CDH12: variants seen among roughly 807,000 people sequenced by gnomAD.
The protein encoded by CDH12 is cadherin-12.
A neutral mutation model predicts 74.1 loss-of-function variants in CDH12; 41 were observed. The ratio of observed to expected loss-of-function variants is 0.55; its 90% confidence interval spans 0.43 to 0.72. CDH12 has a LOEUF of 0.72. CDH12 is among the 30% of genes least tolerant of loss of function. The pLI, the probability that CDH12 is intolerant of heterozygous loss-of-function variation, is 0.00. For missense variants in CDH12, 945 were observed against 977.2 expected (o/e 0.97, Z 0.44); for synonymous variants, 399 against 355.0 (o/e 1.12, Z -1.39).
At chr5:22,181,874 A>G (rs1167926061) in intron 4 of CDH12, among the ~76,000 whole-genome samples, 1 of 152,134 alleles carries the variant, frequency 6.6e-6, no homozygotes, top group Non-Finnish European at 1.5e-5. Context: ...TTAATCACAT[A>G]TTAAGAAACT....
chr5:22,168,012 G>A (rs1354568442), intron 4 of CDH12, among the ~76,000 whole-genome samples: 1 of 152,066 alleles, frequency 6.6e-6, no homozygotes, highest in Non-Finnish European at 1.5e-5. Flanking sequence ...GCCACATATA[G>A]CAACCGAAGG....
Position 21,873,539 on chromosome 5 carries a change from T to A in CDH12, c.527-18749A>T, listed in dbSNP as rs184605591. On this transcript the variant is annotated intron_variant, in intron 6 of 14. Transcript: ENST00000382254. ...TGTCACAGGGGAGAAAAATAAAGAG[T>A]CTCAACTAAACCTGCCAGAAGTTCA... Among the ~76,000 whole-genome samples, 338 of 152,120 alleles carry A rather than the reference T, an allele frequency of 2.2e-3. 8 individuals carry two copies. Among genetic ancestry groups the A allele is most frequent in the Non-Finnish European group, 3.5e-4 (24 of 67,994 alleles).
At chr5:22,552,391 G>C (rs1385180890) in intron 1 of CDH12, among the ~76,000 whole-genome samples, 1 of 150,900 alleles carries the variant, frequency 6.6e-6, no homozygotes, top group African/African-American at 2.4e-5. Flanking sequence ...TTCTCCTTCA[G>C]GAGAAAAATG....
chr5:22,503,503 C>A (rs1340660968), intron 2 of CDH12, among the ~76,000 whole-genome samples: 1 of 151,956 alleles, frequency 6.6e-6, no homozygotes, highest in East Asian at 1.9e-4. Flanking sequence ...AGATTATTCT[C>A]AGCTGTATTT....
At chr5:22,359,157 T>A (rs6895096) in intron 3 of CDH12, among the ~76,000 whole-genome samples, 1 of 151,772 alleles carries the variant, frequency 6.6e-6, no homozygotes, top group African/African-American at 2.4e-5. Flanking sequence ...GAGTCAAGAC[T>A]CATCATAGTG....
intron 9 of CDH12, among the ~76,000 whole-genome samples, chr5:21,816,649 A>AAAAAAAAAAAAC (rs1561209107): frequency 6.9e-6 from 1 of 145,178 alleles, no homozygotes; most frequent in African/African-American, 2.5e-5. Context: ...AAAAAAAAAA[A>AAAAAAAAAAAAC]AAAAGAATAG....
intron 1 of CDH12, among the ~76,000 whole-genome samples, chr5:22,697,411 A>C (rs1234810098): frequency 3.3e-5 from 5 of 152,106 alleles, no homozygotes; most frequent in Admixed American, 1.3e-4. Context: ...CTCTACTAAA[A>C]AATAGAAAAA....
chr5:22,611,658 C>G (rs1287599542), intron 1 of CDH12, among the ~76,000 whole-genome samples: 1 of 152,096 alleles, frequency 6.6e-6, no homozygotes, highest in Non-Finnish European at 1.5e-5. Context: ...TCAAGAGATA[C>G]AGTCTTTGGA....
intron 3 of CDH12, among the ~76,000 whole-genome samples, chr5:22,357,876 G>A (rs112897689): frequency 0.011 from 1,691 of 152,140 alleles, 24 homozygotes; most frequent in African/African-American, 0.039. Context: ...CCTGATAAAA[G>A]TTCTTATTTA....
intron 4 of CDH12, among the ~76,000 whole-genome samples, chr5:22,203,302 G>A (rs1233552565): frequency 6.6e-6 from 1 of 152,018 alleles, no homozygotes; most frequent in Admixed American, 6.6e-5. Flanking sequence ...ACTTCTATGG[G>A]ATCATCTTTT....
chr5:22,061,198 C>T (rs1741164771), intron 5 of CDH12, among the ~76,000 whole-genome samples: 1 of 152,124 alleles, frequency 6.6e-6, no homozygotes, highest in Admixed American at 6.6e-5. Flanking sequence ...TATGAAATTT[C>T]TGTGGGAAAT....
chr5:22,791,001 C>T (rs181220468), intron 1 of CDH12, among the ~76,000 whole-genome samples: 17 of 152,258 alleles, frequency 1.1e-4, no homozygotes, highest in African/African-American at 3.9e-4. Context: ...CTTATATGAC[C>T]TTGTGGAGGC....
intron 1 of CDH12, among the ~76,000 whole-genome samples, chr5:22,585,448 C>T (rs185282289): frequency 1.8e-4 from 28 of 152,248 alleles, no homozygotes; most frequent in African/African-American, 6.5e-4. Context: ...TTAAACACTT[C>T]AGGACAATTT....
chr5:21,964,924 T>C (rs2150113115), intron 6 of CDH12, among the ~76,000 whole-genome samples: 1 of 152,072 alleles, frequency 6.6e-6, no homozygotes, highest in East Asian at 1.9e-4. Context: ...AAAATTTACA[T>C]GACCTGGTAA....
intron 1 of CDH12, among the ~76,000 whole-genome samples, chr5:22,517,864 C>A (rs1736872191): frequency 6.6e-6 from 1 of 152,188 alleles, no homozygotes; most frequent in African/African-American, 2.4e-5. Flanking sequence ...TTCCAACAAT[C>A]AAGCATCTGG....
intron 2 of CDH12, among the ~76,000 whole-genome samples, chr5:22,441,085 A>T (rs1744605430): frequency 2.6e-5 from 4 of 152,164 alleles, no homozygotes; most frequent in Admixed American, 2.6e-4. Context: ...CTTTCTATAT[A>T]CAGAGGGCCT....
intron 6 of CDH12, among the ~76,000 whole-genome samples, chr5:21,861,258 C>T (rs1454193680): frequency 6.6e-6 from 1 of 151,648 alleles, no homozygotes; most frequent in African/African-American, 2.4e-5. Context: ...ACCCACTAAC[C>T]TGTATTTCAG....
At chr5:22,429,616 T>C (rs1452822656) in intron 2 of CDH12, among the ~76,000 whole-genome samples, 2 of 152,194 alleles carry the variant, frequency 1.3e-5, no homozygotes, top group African/African-American at 2.4e-5. Context: ...ATATGCATAG[T>C]GTTGTATTAT....
chr5:22,747,573 T>C (rs1745358634), intron 1 of CDH12, among the ~76,000 whole-genome samples: 1 of 124,512 alleles, frequency 8.0e-6, no homozygotes, highest in Non-Finnish European at 1.6e-5. Context: ...ATTGCGCTAC[T>C]ACCCTCCAAC....
Sources: gnomAD v4.1 joint callset for allele counts (sites outside exome capture counted in the v4.1 genomes callset) on GRCh38, gnomAD v4.1.1 for gene constraint, MANE v1.5 for transcripts, NCBI Gene and HGNC (gene_info 2026-07-23, HGNC 2026-07-21) for gene names.